The following SCNN1B variants were observed in gnomAD, a reference collection of about 807,000 sequenced individuals.
SCNN1B encodes epithelial sodium channel subunit beta.
SCNN1B carries 46 observed loss-of-function variants against 65.3 expected under a neutral mutation model. The ratio of observed to expected loss-of-function variants is 0.70; its 90% CI spans 0.56 to 0.90. SCNN1B has a LOEUF of 0.90. Ranked by LOEUF, SCNN1B falls within the 40% of genes least tolerant of loss-of-function variation. The pLI, the probability that SCNN1B is intolerant of heterozygous loss-of-function variation, is 0.00. For synonymous variants in SCNN1B, 349 were observed against 330.6 expected (o/e 1.06, Z -0.60); for missense variants, 751 against 830.5 (o/e 0.90, Z 1.18).
Position 23,380,253 on chromosome 16 carries a change from T to G in SCNN1B, c.1542+84T>G. ...AGGGTGGGGGAAGGGTTCTGAGCCC[T>G]ATGAAGGAATTAGGAAGATCCCTAA... On this transcript the variant is annotated intron_variant, in intron 12 of 12. Coordinates refer to ENST00000343070, the MANE Select transcript of SCNN1B (RefSeq NM_000336.3). This position sits in a 1 kb window ranked among gnomAD's most constrained non-coding sequence, Gnocchi z 5.4. The G allele has an allele frequency of 6.7e-7, 1 of 1,501,322 alleles. No individual in the cohort carries two copies. Among genetic ancestry groups the G allele is most frequent in the Non-Finnish European group, 9.3e-7 (1 of 1,077,974 alleles). 93.0% of individuals were successfully genotyped at this position (1,501,322 alleles called of 1,614,324 possible). A position where few individuals can be genotyped will look rare whatever the true frequency, so the allele number is the denominator to read the frequency against.
rs1960902383 is a variant in SCNN1B at position 23,290,075 on chromosome 16, A to T, written n.178+6271A>T. On this transcript the variant is annotated intron_variant and non_coding_transcript_variant, in intron 2 of 3. Coordinates refer to the SCNN1B transcript ENST00000569789. Reference sequence around the variant, plus strand: ...AACAGACAATGGATTTGACTTTTAGAACATGCACCCAGTAGAAATCTGCAC... The same window carrying T: ...AACAGACAATGGATTTGACTTTTAGTACATGCACCCAGTAGAAATCTGCAC... 2.0e-5 allele frequency among the ~76,000 whole-genome samples: 3 copies of T among 152,196 alleles called. No individual in the cohort carries two copies. The South Asian group carries it at 6.2e-4, about 31-fold the overall frequency.
At chr16:23,371,566 A>G (rs1962785358) in intron 6 of SCNN1B, 104 bp downstream of exon 6, 3 of 1,256,838 alleles carry the variant, frequency 2.4e-6, no homozygotes, top group Non-Finnish European at 3.4e-6. Context: ...TGGGCCCCCC[A>G]GCCCTGGCCT....
Position 23,377,239 on chromosome 16 carries a change from A to G in SCNN1B, c.1345A>G (p.Asn449Asp). ...CATTGGCATGTGCAAGGAGTCCTGC[A>G]AGTGAGTGCGGGTGGGCGGGCACAG... The part of the protein sequence containing the change: ...TCIGMCKESC[N>D]DTQYKMTISM... The change falls in exon 9 of 13, where the codon AAT becomes GAT. Residue 449 changes from asparagine to aspartate, a missense_variant and splice_region_variant. Asn to Asp is a conservative substitution (Grantham distance 23). Transcript: ENST00000343070. The G allele has an allele frequency of 5.0e-6, 8 of 1,614,236 alleles. No homozygotes were observed. The highest frequency in any genetic ancestry group is 6.8e-6 in the Non-Finnish European group (8 of 1,180,038).
intron 1 of SCNN1B, among the ~76,000 whole-genome samples, chr16:23,322,010 G>A (rs915948652): frequency 2.0e-5 from 3 of 152,134 alleles, no homozygotes; most frequent in Non-Finnish European, 4.4e-5. Context: ...GGGTGACAGA[G>A]TGAGACCCTG....
At chr16:23,320,792 C>T (rs1961571392) in intron 1 of SCNN1B, among the ~76,000 whole-genome samples, 1 of 152,178 alleles carries the variant, frequency 6.6e-6, no homozygotes, top group African/African-American at 2.4e-5. Context: ...CCTGGAGCCC[C>T]AGGGATGGGA....
chr16:23,281,930 G>A (rs1313564849), intron 1 of SCNN1B, among the ~76,000 whole-genome samples: 1 of 152,078 alleles, frequency 6.6e-6, no homozygotes, highest in Non-Finnish European at 1.5e-5. Context: ...AGTGGCTCAT[G>A]CCTGTAATCC....
intron 2 of SCNN1B, among the ~76,000 whole-genome samples, chr16:23,292,151 C>T (rs1960934159): frequency 2.0e-5 from 3 of 151,180 alleles, no homozygotes; most frequent in African/African-American, 2.4e-5. Flanking sequence ...TCTCAGCAAT[C>T]CCTTTTATTT....
chr16:23,320,422 G>A (rs12162045), intron 1 of SCNN1B, among the ~76,000 whole-genome samples: 29,938 of 152,122 alleles, frequency 0.2, 3,326 homozygotes, highest in Middle Eastern at 0.33. Context: ...GGGGGGCCCC[G>A]CAGTCCACAC....
intron 1 of SCNN1B, among the ~76,000 whole-genome samples, chr16:23,320,542 AG>A (rs1484134766): frequency 1.3e-5 from 2 of 152,214 alleles, no homozygotes; most frequent in Non-Finnish European, 2.9e-5. Context: ...ACCAGACTCA[AG>A]GGGTTTCCTC....
intron 4 of SCNN1B, among the ~76,000 whole-genome samples, chr16:23,365,019 G>A (rs556908751): frequency 6.2e-4 from 94 of 151,954 alleles, no homozygotes; most frequent in African/African-American, 2.1e-3. Flanking sequence ...CCAGCTACTC[G>A]GGAGGCTGAG....
rs1376855585 is a variant in SCNN1B, at chr16:23,305,556, A to AAATAT, written c.-9+3119_-9+3120insAATAT. Among the ~76,000 whole-genome samples the AAATAT allele has an allele frequency of 8.0e-4, 31 of 38,612 alleles. No homozygotes were observed. The African/African-American group carries it at 9.9e-3, about 12-fold the overall frequency. 25.3% of individuals were successfully genotyped at this position (38,612 alleles called of 152,430 possible). A position where few individuals can be genotyped will look rare whatever the true frequency, so the allele number is the denominator to read the frequency against. The stretch of plus-strand genomic sequence containing the variant: ...ATATTATATATATATATATATATAT[A>AAATAT]TATATATATATATATATATATTATA... On this transcript the variant is annotated intron_variant, in intron 1 of 12. Transcript: ENST00000343070.
At chr16:23,342,760 G>T (rs548045255) in intron 1 of SCNN1B, among the ~76,000 whole-genome samples, 1 of 152,166 alleles carries the variant, frequency 6.6e-6, no homozygotes. Flanking sequence ...CCTGCAGGCC[G>T]CAGGATGGAA....
chr16:23,294,866 G>A (rs879324043), intron 2 of SCNN1B, among the ~76,000 whole-genome samples: 6 of 151,894 alleles, frequency 4.0e-5, no homozygotes, highest in African/African-American at 7.2e-5. Flanking sequence ...GGTGGCGCGC[G>A]CCTGGAATCC....
chr16:23,377,785 C>T (rs1171548829), intron 10 of SCNN1B, among the ~76,000 whole-genome samples: 1 of 100,588 alleles, frequency 9.9e-6, no homozygotes, highest in East Asian at 2.7e-4. Context: ...TTCCTCCCTC[C>T]CTTCCTTCTT....
At position 23,350,962 on chromosome 16, in the gene SCNN1B, C is replaced by T. The variant is rs550048565; in HGVS notation, c.312-1839C>T. Among the ~76,000 whole-genome samples the T allele has an allele frequency of 9.2e-5, 14 of 152,140 alleles. No individual in the cohort carries two copies. In the East Asian group the frequency reaches 9.6e-4, roughly 10 times the overall value. ...AGCAAAAGAAAGTCCTGACTGGGCA[C>T]GGGCACAGTGGCTCAGGCTTGAAAT... On this transcript the variant is annotated intron_variant, in intron 2 of 12. Coordinates refer to ENST00000343070, the MANE Select transcript of SCNN1B (RefSeq NM_000336.3).
chr16:23,281,700 A>G (rs1031733310), intron 1 of SCNN1B, among the ~76,000 whole-genome samples: 3 of 152,202 alleles, frequency 2.0e-5, no homozygotes, highest in Non-Finnish European at 4.4e-5. Flanking sequence ...GGTTTTATTC[A>G]TCCAAAACAC....
chr16:23,358,912 A>G (rs1210374439), intron 4 of SCNN1B, among the ~76,000 whole-genome samples: 3 of 152,238 alleles, frequency 2.0e-5, no homozygotes, highest in Non-Finnish European at 4.4e-5. Flanking sequence ...CTTAAAAAAC[A>G]GCAACAAAAA....
At chr16:23,337,685 TCTTC>T (rs1206627960) in intron 1 of SCNN1B, among the ~76,000 whole-genome samples, 1 of 152,086 alleles carries the variant, frequency 6.6e-6, no homozygotes. Context: ...GCCCCAGGTT[TCTTC>T]TTATTTAGTG....
chr16:23,286,220 A>G (rs1166988163), intron 2 of SCNN1B, among the ~76,000 whole-genome samples: 3 of 152,218 alleles, frequency 2.0e-5, no homozygotes, highest in African/African-American at 4.8e-5. Flanking sequence ...CACAAATGTC[A>G]AAGGAATGAG....
Sources: gnomAD v4.1 joint callset for allele counts (sites outside exome capture counted in the v4.1 genomes callset) on GRCh38, gnomAD v4.1.1 for gene constraint, Gnocchi (gnomAD v3.1) non-coding constraint, MANE v1.5 for transcripts, NCBI Gene and HGNC (gene_info 2026-07-23, HGNC 2026-07-21) for gene names.